Variants in WDR1 observed in about 807,000 individuals in gnomAD.
The protein encoded by WDR1 is WD repeat-containing protein 1.
In WDR1, 21 loss-of-function variants were observed where a neutral mutation model predicts 71.9. The observed-to-expected ratio is 0.29, with a 90% CI of 0.21 to 0.42. WDR1 has a LOEUF of 0.42. Ranked by LOEUF, WDR1 falls within the 10% of genes least tolerant of loss-of-function variation. The probability of loss-of-function intolerance (pLI) is 1.00; values close to 1 mark genes in which losing one functional copy is unlikely to be tolerated. For missense variants in WDR1, 696 were observed against 824.5 expected (o/e 0.84, Z 1.91); for synonymous variants, 424 against 347.4 (o/e 1.22, Z -2.45).
At chr4:10,084,194 G>A (rs764992654) in intron 9 of WDR1, among the ~76,000 whole-genome samples, 1 of 152,216 alleles carries the variant, frequency 6.6e-6, no homozygotes, top group African/African-American at 2.4e-5. Context: ...AGAAGGGACT[G>A]ATCAGGTCGG....
At chr4:10,094,147 C>T (rs1391430895) in intron 5 of WDR1, among the ~76,000 whole-genome samples, 1 of 152,222 alleles carries the variant, frequency 6.6e-6, no homozygotes, top group Non-Finnish European at 1.5e-5. Flanking sequence ...TTAGATCTGG[C>T]AGTGAGTTCT....
intron 10 of WDR1, 143 bp from the exon 11 acceptor site, chr4:10,081,587 TGGGATGGTAGC>T: frequency 1.7e-6 from 1 of 594,486 alleles, no homozygotes; most frequent in African/African-American, 2.0e-5. Flanking sequence ...TGCTAAAATA[TGGGATGGTAGC>T]GAAAAAACGA....
At position 10,077,888 on chromosome 4, in the gene WDR1, C is replaced by G; in HGVS notation, c.1434G>C (p.Thr478=). 6.2e-7 allele frequency: 1 copy of G among 1,611,314 alleles called. No individual in the cohort carries two copies. Among genetic ancestry groups the G allele is most frequent in the Non-Finnish European group, 8.5e-7 (1 of 1,178,756 alleles). The change falls in exon 13 of 15, where the codon ACG becomes ACC. Residue 478 remains threonine, a synonymous_variant. Transcript: ENST00000499869. ...CTAGGAGCTTGCCCTCATCCTTCAG[C>G]GTGGTGCCCAGGATGGAATACAGGC... ...NVRLYSILGT[T]LKDEGKLLEA...
At position 10,083,214 on chromosome 4, in the gene WDR1, A is replaced by G. The variant is rs747313021; in HGVS notation, c.1040-36T>C. On this transcript the variant is annotated intron_variant, in intron 9 of 14. Coordinates refer to ENST00000499869, the MANE Select transcript of WDR1 (RefSeq NM_017491.5). ...GTTAAGGAAAAGCCCGGCTCCCAGGACTGCTGGGTGTTCTCAGGTGTGGCT... is the reference window on the plus strand; with the variant it reads ...GTTAAGGAAAAGCCCGGCTCCCAGGGCTGCTGGGTGTTCTCAGGTGTGGCT... 10 of 1,600,662 alleles carry G rather than the reference A, an allele frequency of 6.2e-6. No homozygotes were observed. In the African/African-American group the frequency reaches 1.3e-4, roughly 21 times the overall value.
Position 10,111,647 on chromosome 4 carries a change from G to A in WDR1, c.138+4466C>T, listed in dbSNP as rs538541719. Among the ~76,000 whole-genome samples the A allele has an allele frequency of 9.2e-5, 14 of 152,286 alleles. No homozygotes were observed. In the South Asian group the frequency reaches 1.7e-3, roughly 18 times the overall value. ...GGATACACGCAGGTAGTCAGCAGGC[G>A]TCCAATTCCGGAGAAGCAGCTAGGT... On this transcript the variant is annotated intron_variant, in intron 2 of 14. Coordinates refer to ENST00000499869, the MANE Select transcript of WDR1 (RefSeq NM_017491.5).
chr4:10,084,652 G>A, intron 8 of WDR1, 122 bp from the exon 9 acceptor site: 2 of 888,070 alleles, frequency 2.3e-6, no homozygotes, highest in Non-Finnish European at 1.8e-6. Context: ...ATCCATGGCA[G>A]TGCAGGTGCT....
intron 2 of WDR1, 65 bp from the exon 3 acceptor site, chr4:10,104,051 C>T: frequency 2.0e-6 from 3 of 1,465,588 alleles, no homozygotes; most frequent in Non-Finnish European, 2.8e-6. Context: ...CAGCTCTCCA[C>T]ATCAACAGAT....
rs1389188656 is a variant in WDR1, at chr4:10,116,094, C to CG, written c.138+18dup. 1 of 1,607,306 alleles carries CG rather than the reference C, an allele frequency of 6.2e-7. No homozygotes were observed. Among genetic ancestry groups the CG allele is most frequent in the South Asian group, 1.1e-5 (1 of 90,440 alleles). On this transcript the variant is annotated intron_variant, in intron 2 of 14. Transcript: ENST00000499869. ...GGTGGCTCCGGAGCAGAACCGCGCC[C>CG]GGGGTAGGGGGTACTCACGTCGATG...
At chr4:10,082,268 C>T (rs564008233) in intron 10 of WDR1, among the ~76,000 whole-genome samples, 3 of 152,314 alleles carry the variant, frequency 2.0e-5, no homozygotes, top group South Asian at 2.1e-4. Flanking sequence ...CTAGGAGTTG[C>T]GTGCTGCACC....
At chr4:10,110,750 G>C (rs527585672) in intron 2 of WDR1, among the ~76,000 whole-genome samples, 64 of 152,248 alleles carry the variant, frequency 4.2e-4, no homozygotes, top group African/African-American at 1.4e-3. Flanking sequence ...TTCAACCTTG[G>C]TACCCCTGGC....
At chr4:10,104,187 A>G (rs1712885128) in intron 2 of WDR1, among the ~76,000 whole-genome samples, 1 of 152,206 alleles carries the variant, frequency 6.6e-6, no homozygotes, top group African/African-American at 2.4e-5. Flanking sequence ...ATTTCATGTT[A>G]CTTTAATTCG....
chr4:10,112,938 C>G (rs779836334), intron 2 of WDR1, among the ~76,000 whole-genome samples: 2 of 152,202 alleles, frequency 1.3e-5, no homozygotes, highest in African/African-American at 4.8e-5. Flanking sequence ...TGTAGGCAGC[C>G]GTAGCCTGCT....
intron 14 of WDR1, chr4:10,077,065 G>A: frequency 1.9e-6 from 1 of 522,666 alleles, no homozygotes; most frequent in Non-Finnish European, 3.4e-6. Context: ...TCAAAAGTGA[G>A]GCCTTCACTC....
intron 5 of WDR1, among the ~76,000 whole-genome samples, chr4:10,089,635 G>A (rs912669280): frequency 2.2e-4 from 33 of 152,214 alleles, no homozygotes; most frequent in Admixed American, 2.0e-3. Flanking sequence ...ACCTGCAGGC[G>A]GCGCTAACCC....
At chr4:10,103,149 G>A (rs1448636910) in intron 3 of WDR1, among the ~76,000 whole-genome samples, 1 of 152,184 alleles carries the variant, frequency 6.6e-6, no homozygotes, top group Non-Finnish European at 1.5e-5. Flanking sequence ...AGGCTGCAGA[G>A]AGCAAAGGCC....
intron 9 of WDR1, chr4:10,083,472 A>C: frequency 3.7e-6 from 2 of 535,012 alleles, no homozygotes; most frequent in Non-Finnish European, 7.2e-6. Flanking sequence ...GCTACTAGTT[A>C]TCGGGTAGGC....
intron 11 of WDR1, among the ~76,000 whole-genome samples, chr4:10,080,580 GCTTT>G (rs1387254754): frequency 6.6e-6 from 1 of 152,262 alleles, no homozygotes; most frequent in Non-Finnish European, 1.5e-5. Context: ...GCTGAAAGCA[GCTTT>G]CTTTAGCAGG....
At chr4:10,112,025 A>C (rs932931100) in intron 2 of WDR1, among the ~76,000 whole-genome samples, 4 of 152,036 alleles carry the variant, frequency 2.6e-5, no homozygotes, top group African/African-American at 9.7e-5. Context: ...GCCTGGCAGC[A>C]CACAAGAGGG....
chr4:10,091,315 C>G (rs187963955), intron 5 of WDR1, among the ~76,000 whole-genome samples: 13 of 152,362 alleles, frequency 8.5e-5, no homozygotes, highest in African/African-American at 2.6e-4. Flanking sequence ...AGTTTTCTAG[C>G]ACTTCTAGGT....
Sources: allele counts gnomAD v4.1 joint callset (sites outside exome capture counted in the v4.1 genomes callset), GRCh38; gene constraint gnomAD v4.1.1; transcripts MANE v1.5; gene names NCBI Gene and HGNC (gene_info 2026-07-23, HGNC 2026-07-21).